The following PIN1 variants were observed in gnomAD, a reference collection of about 807,000 sequenced individuals.
The protein encoded by PIN1 is peptidyl-prolyl cis-trans isomerase NIMA-interacting 1.
In PIN1, 8 loss-of-function variants were observed where a neutral mutation model predicts 19.9. That is an observed-to-expected ratio of 0.40 (90% CI 0.24 to 0.72). The LOEUF is 0.72. Ranked by LOEUF, PIN1 falls within the 30% of genes least tolerant of loss-of-function variation. PIN1 has a pLI of 0.37. For missense variants in PIN1, 185 were observed against 226.5 expected, an observed-to-expected ratio of 0.82 and a Z score of 1.18; for synonymous variants, 86 against 90.8, an observed-to-expected ratio of 0.95 and a Z score of 0.30.
At chr19:9,842,736 G>A (rs2046180552) in intron 2 of PIN1, among the ~76,000 whole-genome samples, 2 of 152,252 alleles carry the variant, frequency 1.3e-5, no homozygotes, top group African/African-American at 4.8e-5. Context: ...CTCGGTAACA[G>A]ATCATCATGT....
At position 9,849,483 on chromosome 19, in the gene PIN1, G is replaced by A. The variant is rs780304222; in HGVS notation, c.*284G>A. ...GACCCAGGGCAGTGTGGTGGGAGGGGTGTTCCAAAGAGAAGGCCTGGTCAG... is the reference window on the plus strand; with the variant it reads ...GACCCAGGGCAGTGTGGTGGGAGGGATGTTCCAAAGAGAAGGCCTGGTCAG... On this transcript the variant is annotated 3_prime_UTR_variant, in exon 4 of 4. Coordinates refer to ENST00000247970, the MANE Select transcript of PIN1 (RefSeq NM_006221.4). 7.2e-6 allele frequency: 5 copies of A among 697,250 alleles called. No homozygotes were observed. In the Admixed American group the frequency reaches 8.8e-5, roughly 12 times the overall value. The allele number at this position is 697,250 out of a possible 1,614,324, so 43.2% of individuals were successfully genotyped here. A position where few individuals can be genotyped will look rare whatever the true frequency, so the allele number is the denominator to read the frequency against.
At chr19:9,845,306 A>G (rs895145717) in intron 2 of PIN1, among the ~76,000 whole-genome samples, 1 of 151,992 alleles carries the variant, frequency 6.6e-6, no homozygotes, top group Non-Finnish European at 1.5e-5. Context: ...CTTGTTGCCC[A>G]CGCTGGAGTG....
At position 9,848,134 on chromosome 19, in the gene PIN1, A is replaced by C; in HGVS notation, c.376A>C (p.Ser126Arg). The change falls in exon 3 of 4, where the codon AGC (serine) becomes CGC (arginine). Residue 126 changes from serine (S) to arginine (R), a missense_variant. Physicochemically the swap from Ser to Arg is moderately radical, Grantham distance 110. Transcript: ENST00000247970. ...GGCCAGGGGAGACCTGGGTGCCTTC[A>C]GCAGAGGTGCGCAAGGAATGGGCCT... The part of the protein sequence containing the change: ...AKARGDLGAF[S>R]RGQMQKPFED... 6.3e-7 allele frequency: 1 copy of C among 1,597,820 alleles called. No individual in the cohort carries two copies. The highest frequency in any genetic ancestry group is 1.1e-5 in the South Asian group (1 of 90,774).
intron 2 of PIN1, among the ~76,000 whole-genome samples, chr19:9,845,154 C>T (rs1032488570): frequency 5.3e-5 from 8 of 152,128 alleles, no homozygotes; most frequent in Non-Finnish European, 8.8e-5. Context: ...GTCATTGTCG[C>T]GGGGTCAGGT....
rs759401271 is a variant in PIN1, at chr19:9,849,525, C to A, written c.*326C>A. 1 of 636,326 alleles carries A rather than the reference C, an allele frequency of 1.6e-6. No homozygotes were observed. Among genetic ancestry groups the A allele is most frequent in the Non-Finnish European group, 3.0e-6 (1 of 335,436 alleles). The allele number at this position is 636,326 out of a possible 1,614,324, so 39.4% of individuals were successfully genotyped here. A position where few individuals can be genotyped will look rare whatever the true frequency, so the allele number is the denominator to read the frequency against. On this transcript the variant is annotated 3_prime_UTR_variant, in exon 4 of 4. Transcript: ENST00000247970. Reference sequence around the variant, plus strand: ...CCTGGTCAGCAGAGCCGCCCCGTGTCCCCCCAGGTGCTGGAGGCAGACTCG... The same window carrying A: ...CCTGGTCAGCAGAGCCGCCCCGTGTACCCCCAGGTGCTGGAGGCAGACTCG...
rs2046137559 is a variant in PIN1 at position 9,838,785 on chromosome 19, G to T, written c.271+137G>T. ...GGCCAACACAAAAACGCCAGTGCATGACCTGACCCTGACCTTCACAGCAGC... is the reference window on the plus strand; with the variant it reads ...GGCCAACACAAAAACGCCAGTGCATTACCTGACCCTGACCTTCACAGCAGC... On this transcript the variant is annotated intron_variant, in intron 2 of 3. Coordinates refer to ENST00000247970, the MANE Select transcript of PIN1 (RefSeq NM_006221.4). This position sits in a 1 kb window ranked among gnomAD's most constrained non-coding sequence, Gnocchi z 5.8. The T allele has an allele frequency of 4.6e-6, 3 of 655,732 alleles. No homozygotes were observed. Among genetic ancestry groups the T allele is most frequent in the South Asian group, 3.8e-5 (2 of 53,240 alleles). 40.6% of individuals were successfully genotyped at this position (655,732 alleles called of 1,614,324 possible). A position where few individuals can be genotyped will look rare whatever the true frequency, so the allele number is the denominator to read the frequency against.
chr19:9,835,603 T>G, intron 1 of PIN1: 1 of 497,008 alleles, frequency 2.0e-6, no homozygotes, highest in South Asian at 3.6e-5. Flanking sequence ...CTGAGGAAGC[T>G]GAGGCAGGGG....
intron 2 of PIN1, among the ~76,000 whole-genome samples, chr19:9,840,156 A>G (rs945357791): frequency 3.9e-5 from 6 of 152,208 alleles, no homozygotes; most frequent in African/African-American, 1.2e-4. Flanking sequence ...TGGGAGGCCA[A>G]GGTGGGTGGA....
Position 9,846,639 on chromosome 19 carries a change from T to C in PIN1, c.272-1391T>C, listed in dbSNP as rs560514282. ...GGGACACTTGGATCAGTCCAGTGTG[T>C]TCAGCAGGTGCCACGGTTGGGTGTC... On this transcript the variant is annotated intron_variant, in intron 2 of 3. Transcript: ENST00000247970. This position sits in a 1 kb window ranked among gnomAD's most constrained non-coding sequence, Gnocchi z 5.9. 1.3e-5 allele frequency among the ~76,000 whole-genome samples: 2 copies of C among 152,252 alleles called. No individual in the cohort carries two copies. The highest frequency in any genetic ancestry group is 4.1e-4 in the South Asian group (2 of 4,820).
At chr19:9,847,828 G>T (rs2046235534) in intron 2 of PIN1, among the ~76,000 whole-genome samples, 1 of 152,174 alleles carries the variant, frequency 6.6e-6, no homozygotes, top group African/African-American at 2.4e-5. Flanking sequence ...ACCTCTTCTT[G>T]GGTGTGGGTG....
intron 2 of PIN1, among the ~76,000 whole-genome samples, chr19:9,847,344 C>T (rs1396314444): frequency 6.6e-6 from 1 of 152,194 alleles, no homozygotes; most frequent in African/African-American, 2.4e-5. Flanking sequence ...CTAGTTTGGG[C>T]CACACAGGGT....
intron 2 of PIN1, among the ~76,000 whole-genome samples, chr19:9,840,623 C>T (rs1278986568): frequency 6.6e-6 from 1 of 152,152 alleles, no homozygotes; most frequent in African/African-American, 2.4e-5. Context: ...TCTTTTGAGA[C>T]AGGGTCTTGC....
Position 9,848,034 on chromosome 19 carries a change from C to T in PIN1, c.276C>T (p.Tyr92=), listed in dbSNP as rs1261199181. The change falls in exon 3 of 4, where the codon TAC becomes TAT. Residue 92 remains tyrosine (Y), a synonymous_variant. Transcript: ENST00000247970. ...CATTCCGTTCCATGTCCACAGGCTA[C>T]ATCCAGAAGATCAAGTCGGGAGAGG... is the stretch of plus-strand genomic sequence containing the variant. The part of the protein sequence containing the change: ...KEEALELING[Y]IQKIKSGEED... 1 of 1,603,206 alleles carries T rather than the reference C, an allele frequency of 6.2e-7. No individual in the cohort carries two copies. The highest frequency in any genetic ancestry group is 2.2e-5 in the East Asian group (1 of 44,836).
chr19:9,838,598 G>A lies in PIN1; in HGVS notation c.221G>A (p.Arg74Gln), dbSNP rs748862032. 2 of 1,555,122 alleles carry A rather than the reference G, an allele frequency of 1.3e-6. No individual in the cohort carries two copies. The highest frequency in any genetic ancestry group is 1.4e-5 in the African/African-American group (1 of 73,778). Residue 74 changes from arginine (R) to glutamine (Q), a missense_variant, in exon 2 of 4, where the codon CGG becomes CAG. Physicochemically the swap from Arg to Gln is conservative, Grantham distance 43 (BLOSUM62 1). Coordinates refer to ENST00000247970, the MANE Select transcript of PIN1 (RefSeq NM_006221.4). This position sits in a 1 kb window ranked among gnomAD's most constrained non-coding sequence, Gnocchi z 5.8. ...CAGTCACGGCGGCCCTCGTCCTGGC[G>A]GCAGGAGAAGATCACCCGGACCAAG... ...HSQSRRPSSW[R>Q]QEKITRTKEE...
chr19:9,841,699 G>A (rs1599451102), intron 2 of PIN1, among the ~76,000 whole-genome samples: 1 of 152,152 alleles, frequency 6.6e-6, no homozygotes, highest in Admixed American at 6.5e-5. Context: ...GAACCTTCAG[G>A]GGTTCTGGTT....
chr19:9,838,257 T>C lies in PIN1; in HGVS notation c.59-179T>C. On this transcript the variant is annotated intron_variant, in intron 1 of 3. Coordinates refer to ENST00000247970, the MANE Select transcript of PIN1 (RefSeq NM_006221.4). The surrounding 1 kb of genome is among the most constrained non-coding windows in gnomAD (Gnocchi z 5.8). ...ATGTTAGCTCTCTAAGGGCAGGGACTGTATCCTGCCACATTGGCCCACGTC... is the reference window on the plus strand; with the variant it reads ...ATGTTAGCTCTCTAAGGGCAGGGACCGTATCCTGCCACATTGGCCCACGTC... The C allele has an allele frequency of 1.5e-6, 1 of 681,026 alleles. No individual in the cohort carries two copies. Among genetic ancestry groups the C allele is most frequent in the South Asian group, 1.6e-5 (1 of 62,118 alleles). The allele number at this position is 681,026 out of a possible 1,614,324, so 42.2% of individuals were successfully genotyped here.
chr19:9,846,156 C>T lies in PIN1; in HGVS notation c.272-1874C>T, dbSNP rs533378812. Among the ~76,000 whole-genome samples the T allele has an allele frequency of 8.9e-4, 136 of 152,286 alleles. 1 individual carries two copies. The highest frequency in any genetic ancestry group is 9.8e-4 in the Admixed American group (15 of 15,304). ...GAGGACCCCGTGGCAGCCCTGGAAG[C>T]GGGGCATTCTGATCAAACCAGGGCA... is the stretch of plus-strand genomic sequence containing the variant. On this transcript the variant is annotated intron_variant, in intron 2 of 3. Coordinates refer to ENST00000247970, the MANE Select transcript of PIN1 (RefSeq NM_006221.4). This position sits in a 1 kb window ranked among gnomAD's most constrained non-coding sequence, Gnocchi z 5.9.
At chr19:9,840,981 G>A (rs2046160265) in intron 2 of PIN1, among the ~76,000 whole-genome samples, 1 of 152,214 alleles carries the variant, frequency 6.6e-6, no homozygotes, top group African/African-American at 2.4e-5. Context: ...GGCTAATACA[G>A]TAAAGCGGGA....
intron 1 of PIN1, chr19:9,836,372 C>G (rs1439636578): frequency 6.2e-6 from 1 of 160,252 alleles, no homozygotes; most frequent in East Asian, 1.7e-4. Flanking sequence ...AACTGAGGTG[C>G]AGGGAGATTA....
Sources: allele counts gnomAD v4.1 joint callset (sites outside exome capture counted in the v4.1 genomes callset), GRCh38; gene constraint gnomAD v4.1.1; non-coding constraint Gnocchi (gnomAD v3.1); transcripts MANE v1.5; gene names NCBI Gene and HGNC (gene_info 2026-07-23, HGNC 2026-07-21).